The following ADGRL2 variants were observed in gnomAD, a reference collection of about 807,000 sequenced individuals.
ADGRL2 encodes adhesion G protein-coupled receptor L2, also known as calcium-independent alpha-latrotoxin receptor 2.
ADGRL2 carries 44 observed loss-of-function variants against 157.4 expected under a neutral mutation model. The observed-to-expected ratio is 0.28, with a 90% CI of 0.22 to 0.36. The LOEUF (loss-of-function observed/expected upper bound fraction) is 0.36. Among genes scored for constraint, ADGRL2 ranks in the 10% least tolerant of loss-of-function variants. ADGRL2 has a pLI of 1.00. For missense variants in ADGRL2, 1,510 were observed against 1,768.9 expected (o/e 0.85, Z 2.63); for synonymous variants, 585 against 624.7 (o/e 0.94, Z 0.95).
At chr1:81,406,031 T>C (rs562902508) in intron 1 of ADGRL2, among the ~76,000 whole-genome samples, 1 of 152,322 alleles carries the variant, frequency 6.6e-6, no homozygotes, top group African/African-American at 2.4e-5. Context: ...TTGAAAAAGT[T>C]TGAGAAGAGA....
intron 1 of ADGRL2, among the ~76,000 whole-genome samples, chr1:81,373,091 T>G (rs4504930): frequency 0.076 from 11,532 of 152,228 alleles, 555 homozygotes; most frequent in Middle Eastern, 0.15. Context: ...GGGGGTCACA[T>G]GCAGAGGACC....
rs560945132 is a variant in ADGRL2 at position 81,676,949 on chromosome 1, T to C, written c.-142-84862T>C. ...CGTGATCTGCCCGCAGTGCTGAGAT[T>C]ACAGGCGTGAGCCACTGTGCCTGGC... is the stretch of plus-strand genomic sequence containing the variant. On this transcript the variant is annotated intron_variant, in intron 3 of 24. Coordinates refer to the ADGRL2 transcript ENST00000370721. 7.9e-5 allele frequency among the ~76,000 whole-genome samples: 12 copies of C among 151,648 alleles called. No individual in the cohort carries two copies. In the South Asian group the frequency reaches 2.5e-3, roughly 32 times the overall value.
intron 3 of ADGRL2, among the ~76,000 whole-genome samples, chr1:81,648,846 G>A (rs1169124586): frequency 6.6e-6 from 1 of 152,092 alleles, no homozygotes; most frequent in Non-Finnish European, 1.5e-5. Flanking sequence ...AAGGTTTCAG[G>A]GAGCATATCA....
chr1:81,479,443 A>G (rs189323110), intron 2 of ADGRL2, among the ~76,000 whole-genome samples: 4 of 152,246 alleles, frequency 2.6e-5, no homozygotes, highest in African/African-American at 7.2e-5. Flanking sequence ...AGATCGCGCC[A>G]TTGCACTCCA....
chr1:81,975,059 A>G (rs183560140), intron 17 of ADGRL2, among the ~76,000 whole-genome samples: 1 of 151,988 alleles, frequency 6.6e-6, no homozygotes, highest in East Asian at 1.9e-4. Flanking sequence ...AAAGATAGCC[A>G]TCTATTTACC....
At chr1:81,400,094 T>C (rs543826431) in intron 1 of ADGRL2, among the ~76,000 whole-genome samples, 255 of 152,286 alleles carry the variant, frequency 1.7e-3, no homozygotes, top group Admixed American at 4.1e-3. Context: ...TATAGAAGTC[T>C]GTGGCAGTGG....
intron 1 of ADGRL2, among the ~76,000 whole-genome samples, chr1:81,821,192 T>C (rs2090957448): frequency 6.6e-6 from 1 of 152,212 alleles, no homozygotes; most frequent in Admixed American, 6.5e-5. Context: ...TTTTAATGTT[T>C]ATAAGATAAA....
At chr1:81,524,879 T>C (rs1459748015) in intron 2 of ADGRL2, among the ~76,000 whole-genome samples, 6 of 152,038 alleles carry the variant, frequency 3.9e-5, no homozygotes, top group Non-Finnish European at 2.9e-5. Context: ...CATTCTAGCC[T>C]GGGCGACAGT....
chr1:81,722,761 G>A (rs1177736399), intron 1 of ADGRL2: 2 of 795,042 alleles, frequency 2.5e-6, no homozygotes, highest in Non-Finnish European at 4.4e-6. Context: ...GGCTCAAGAA[G>A]AGCATGAGAG....
At chr1:81,345,495 T>C (rs1469309775) in intron 1 of ADGRL2, among the ~76,000 whole-genome samples, 1 of 152,204 alleles carries the variant, frequency 6.6e-6, no homozygotes, top group African/African-American at 2.4e-5. Flanking sequence ...TTCCTCAAAG[T>C]AACTGGAAGA....
chr1:81,950,961 C>G (rs531782560), intron 7 of ADGRL2, 57 bp from the exon 8 acceptor site: 16 of 1,077,128 alleles, frequency 1.5e-5, no homozygotes, highest in Non-Finnish European at 2.3e-5. Flanking sequence ...AGCTGATTCC[C>G]GAATGCATGC....
At chr1:81,540,943 G>A (rs1444062102) in intron 2 of ADGRL2, among the ~76,000 whole-genome samples, 1 of 152,046 alleles carries the variant, frequency 6.6e-6, no homozygotes, top group Non-Finnish European at 1.5e-5. Flanking sequence ...TGTATAAAGT[G>A]CAATTTTAAA....
At chr1:81,544,249 TTGCTC>T (rs2079959704) in intron 2 of ADGRL2, among the ~76,000 whole-genome samples, 1 of 152,208 alleles carries the variant, frequency 6.6e-6, no homozygotes, top group South Asian at 2.1e-4. Flanking sequence ...GTAAAATAAT[TTGCTC>T]TAATTTCTAG....
At position 81,936,769 on chromosome 1, in the gene ADGRL2, ATG is replaced by A; in HGVS notation, c.333_334del (p.Phe112SerfsTer2). On this transcript the variant is annotated frameshift_variant, in exon 4 of 24. Transcript: ENST00000686636. LOFTEE classifies it high-confidence loss of function. The stretch of plus-strand genomic sequence containing the variant: ...CAGTGTATAGTAGTTACTGGGTCAG[ATG>A]TGTTTCCTGATCCATGTCCTGGAAC... The A allele has an allele frequency of 6.2e-7, 1 of 1,612,234 alleles. No individual in the cohort carries two copies. The highest frequency in any genetic ancestry group is 8.5e-7 in the Non-Finnish European group (1 of 1,178,588).
chr1:81,425,062 C>T (rs1299546602), intron 1 of ADGRL2, among the ~76,000 whole-genome samples: 4 of 152,190 alleles, frequency 2.6e-5, no homozygotes, highest in Admixed American at 2.0e-4. Flanking sequence ...ATGGATTCAT[C>T]AGCAGAGGCT....
chr1:81,534,320 C>A (rs1020786119), intron 2 of ADGRL2, among the ~76,000 whole-genome samples: 43 of 152,194 alleles, frequency 2.8e-4, no homozygotes, highest in African/African-American at 1.0e-3. Flanking sequence ...AGGCACCTTG[C>A]CTGGCTAATT....
At chr1:81,737,377 G>C (rs2084937323) in intron 1 of ADGRL2, among the ~76,000 whole-genome samples, 1 of 152,176 alleles carries the variant, frequency 6.6e-6, no homozygotes, top group Non-Finnish European at 1.5e-5. Flanking sequence ...GAGAGAGAGA[G>C]TTAAGGGGGA....
intron 1 of ADGRL2, among the ~76,000 whole-genome samples, chr1:81,709,069 A>G (rs2083836131): frequency 6.6e-6 from 1 of 152,166 alleles, no homozygotes; most frequent in Non-Finnish European, 1.5e-5. Context: ...GATGCTGTCA[A>G]TGGTAAGATG....
chr1:81,754,698 C>T (rs2085622303), intron 1 of ADGRL2, among the ~76,000 whole-genome samples: 1 of 147,274 alleles, frequency 6.8e-6, no homozygotes, highest in South Asian at 2.2e-4. Context: ...CCCTCCCTTC[C>T]TTCCTTCCTC....
Sources: gnomAD v4.1 joint callset for allele counts (sites outside exome capture counted in the v4.1 genomes callset) on GRCh38, gnomAD v4.1.1 for gene constraint, MANE v1.5 for transcripts, NCBI Gene and HGNC (gene_info 2026-07-23, HGNC 2026-07-21) for gene names.